PIEZO2: variants seen among roughly 807,000 people sequenced by gnomAD.
PIEZO2 encodes the protein piezo-type mechanosensitive ion channel component 2.
Under a neutral mutation model 337.3 loss-of-function variants are expected in PIEZO2, and 172 were observed. The observed-to-expected ratio is 0.51, with a 90% CI of 0.45 to 0.58. The LOEUF (loss-of-function observed/expected upper bound fraction) is 0.58. Among genes scored for constraint, PIEZO2 ranks in the 20% least tolerant of loss-of-function variants. The pLI is 0.00. For synonymous variants in PIEZO2, 1,251 were observed against 1,228.5 expected (o/e 1.02, Z -0.38); for missense variants, 3,028 against 3,391.3 (o/e 0.89, Z 2.66).
intron 3 of PIEZO2, among the ~76,000 whole-genome samples, chr18:10,917,468 T>G (rs2031070427): frequency 6.6e-6 from 1 of 152,200 alleles, no homozygotes; most frequent in Non-Finnish European, 1.5e-5. Flanking sequence ...TTGGTCATCA[T>G]GTTTCTTCAT....
Position 10,980,492 on chromosome 18 carries a change from T to C in PIEZO2, c.161-832A>G, listed in dbSNP as rs1598777063. ...GGCCACTTGATATGAATGCCACTAATTAACATATCACTGGATGTACTGGTC... is the reference window on the plus strand; with the variant it reads ...GGCCACTTGATATGAATGCCACTAACTAACATATCACTGGATGTACTGGTC... On this transcript the variant is annotated intron_variant, in intron 2 of 55. Coordinates refer to ENST00000674853, the MANE Select transcript of PIEZO2 (RefSeq NM_001378183.1). The surrounding 1 kb of genome is among the most constrained non-coding windows in gnomAD (Gnocchi z 4.8). 6.6e-6 allele frequency among the ~76,000 whole-genome samples: 1 copy of C among 152,346 alleles called. No homozygotes were observed. The highest frequency in any genetic ancestry group is 3.4e-3 in the Middle Eastern group (1 of 294).
chr18:10,848,479 T>G (rs541691387), intron 7 of PIEZO2, among the ~76,000 whole-genome samples: 2 of 152,330 alleles, frequency 1.3e-5, no homozygotes, highest in African/African-American at 4.8e-5. Flanking sequence ...CATGATTTAT[T>G]GAAGTAGATG....
intron 1 of PIEZO2, among the ~76,000 whole-genome samples, chr18:11,082,166 A>G (rs1038657079): frequency 6.6e-6 from 1 of 152,220 alleles, no homozygotes; most frequent in Non-Finnish European, 1.5e-5. Context: ...CTACTTTATC[A>G]GTAAGACCTA....
In PIEZO2 at chr18:10,682,055, A is replaced by G. The variant is rs1014922897; in HGVS notation, c.7686+49T>C. 48 of 1,472,780 alleles carry G rather than the reference A, an allele frequency of 3.3e-5. No homozygotes were observed. The highest frequency in any genetic ancestry group is 4.0e-5 in the Non-Finnish European group (44 of 1,104,612). 91.2% of individuals were successfully genotyped at this position (1,472,780 alleles called of 1,614,324 possible). A position where few individuals can be genotyped will look rare whatever the true frequency, so the allele number is the denominator to read the frequency against. ...CCCTACAGACAGCTATCATAAAGGA[A>G]TGTGGCGTGGGGCAAGGCTCTGGTA... On this transcript the variant is annotated intron_variant, in intron 50 of 55. Coordinates refer to ENST00000674853, the MANE Select transcript of PIEZO2 (RefSeq NM_001378183.1). This position sits in a 1 kb window ranked among gnomAD's most constrained non-coding sequence, Gnocchi z 5.6.
At chr18:10,720,419 G>GTATATATATATA (rs74177567) in intron 36 of PIEZO2, among the ~76,000 whole-genome samples, 1 of 9,270 alleles carries the variant, frequency 1.1e-4, no homozygotes, top group Non-Finnish European at 2.0e-4. Flanking sequence ...GTATGTGTAT[G>GTATATATATATA]TATATATATA....
rs917281174 is a variant in PIEZO2, at chr18:11,032,809, G to A, written c.160+33318C>T. On this transcript the variant is annotated intron_variant, in intron 2 of 55. Coordinates refer to ENST00000674853, the MANE Select transcript of PIEZO2 (RefSeq NM_001378183.1). The surrounding 1 kb of genome is among the most constrained non-coding windows in gnomAD (Gnocchi z 4.9). ...CCTTAAAAGCTTTTGAAGTCAGATC[G>A]ATAAGAACTCTTTTGGACCTCGCCT... 6.6e-6 allele frequency among the ~76,000 whole-genome samples: 1 copy of A among 152,130 alleles called. No individual in the cohort carries two copies.
At chr18:10,890,698 T>A (rs2042730240) in intron 4 of PIEZO2, 1 of 151,748 alleles carries the variant, frequency 6.6e-6, no homozygotes, top group East Asian at 1.9e-4. Flanking sequence ...ACCAGGTTCT[T>A]CCCATGACAC....
chr18:10,936,784 G>A (rs1219434013), intron 3 of PIEZO2, among the ~76,000 whole-genome samples: 1 of 152,200 alleles, frequency 6.6e-6, no homozygotes, highest in Non-Finnish European at 1.5e-5. Context: ...AATTTTGCTG[G>A]GTTCTGTTTT....
intron 7 of PIEZO2, among the ~76,000 whole-genome samples, chr18:10,835,310 A>G (rs2040975144): frequency 6.6e-6 from 1 of 151,130 alleles, no homozygotes; most frequent in South Asian, 2.1e-4. Context: ...GGTGGAAAAC[A>G]CAGGATGAGA....
intron 52 of PIEZO2, among the ~76,000 whole-genome samples, chr18:10,678,998 T>A (rs10163811): frequency 0.033 from 4,966 of 151,130 alleles, 257 homozygotes; most frequent in African/African-American, 0.11. Flanking sequence ...AGTGGCGTGA[T>A]CTCAGCTCAC....
chr18:11,045,194 G>A (rs2037259549), intron 2 of PIEZO2, among the ~76,000 whole-genome samples: 1 of 150,562 alleles, frequency 6.6e-6, no homozygotes, highest in African/African-American at 2.5e-5. Flanking sequence ...CTACCTGGGA[G>A]GCTGAGGCAG....
Position 10,781,386 on chromosome 18 carries a change from C to A in PIEZO2, c.2493-1020G>T, listed in dbSNP as rs1195715034. Among the ~76,000 whole-genome samples, 2 of 152,058 alleles carry A rather than the reference C, an allele frequency of 1.3e-5. No individual in the cohort carries two copies. ...TTGGGAGCCTGAGGCAGAAGAATCA[C>A]TTGAACCCAGGAGGTGGAGGTTGCA... On this transcript the variant is annotated intron_variant, in intron 17 of 55. Transcript: ENST00000674853. The surrounding 1 kb of genome is among the most constrained non-coding windows in gnomAD (Gnocchi z 4.1).
intron 4 of PIEZO2, among the ~76,000 whole-genome samples, chr18:10,902,439 C>A (rs1471404724): frequency 6.6e-6 from 1 of 152,112 alleles, no homozygotes; most frequent in Non-Finnish European, 1.5e-5. Context: ...GGCTTTTAAA[C>A]TGAGATAAGC....
intron 2 of PIEZO2, among the ~76,000 whole-genome samples, chr18:11,044,215 T>C (rs1461488940): frequency 2.0e-5 from 3 of 150,042 alleles, no homozygotes; most frequent in Non-Finnish European, 4.4e-5. Flanking sequence ...ATAAAATATA[T>C]ATTTAAATAA....
intron 4 of PIEZO2, among the ~76,000 whole-genome samples, chr18:10,883,816 C>CTTT (rs71169957): frequency 8.1e-6 from 1 of 122,832 alleles, no homozygotes; most frequent in African/African-American, 3.4e-5. Context: ...AGTCCTACTT[C>CTTT]TTTTTTTTTT....
chr18:10,759,831 C>T lies in PIEZO2; in HGVS notation c.3529G>A (p.Ala1177Thr), dbSNP rs377638188. The change falls in exon 25 of 56, where the codon GCT (alanine) becomes ACT (threonine). Residue 1177 changes from alanine to threonine, a missense_variant. This residue lies in a region of PIEZO2 where 1,925 missense variants were observed against 2,051.9 expected (regional missense o/e 0.94). Transcript: ENST00000674853. The surrounding 1 kb of genome is among the most constrained non-coding windows in gnomAD (Gnocchi z 5.5). ...YAMIHACWLI[A>T]VLYRRRRKAI... ...TTCCTTCTGCGTCTATATAAGACAG[C>T]GATCAGCCAGCAGGCGTGGATCATG... 2.0e-4 allele frequency: 307 copies of T among 1,537,186 alleles called. 2 individuals are homozygous for T. The highest frequency in any genetic ancestry group is 1.5e-4 in the Non-Finnish European group (174 of 1,146,928).
Position 11,078,054 on chromosome 18 carries a change from A to C in PIEZO2, c.65-11832T>G, listed in dbSNP as rs1479180218. ...CACACACCCACACACACCCACACACACACACACACACACCACACACACAAA... is the reference window on the plus strand; with the variant it reads ...CACACACCCACACACACCCACACACCCACACACACACACCACACACACAAA... On this transcript the variant is annotated intron_variant, in intron 1 of 55. Coordinates refer to ENST00000674853, the MANE Select transcript of PIEZO2 (RefSeq NM_001378183.1). The surrounding 1 kb of genome is among the most constrained non-coding windows in gnomAD (Gnocchi z 5.3). 1.3e-5 allele frequency among the ~76,000 whole-genome samples: 2 copies of C among 151,090 alleles called. No homozygotes were observed. The highest frequency in any genetic ancestry group is 6.6e-5 in the Admixed American group (1 of 15,134).
intron 33 of PIEZO2, among the ~76,000 whole-genome samples, chr18:10,737,248 G>A (rs8085318): frequency 0.35 from 51,539 of 147,066 alleles, 10,244 homozygotes; most frequent in African/African-American, 0.55. Context: ...TTCTCCACAT[G>A]TAACACAAGG....
intron 4 of PIEZO2, among the ~76,000 whole-genome samples, chr18:10,898,351 G>A (rs1041232108): frequency 5.3e-5 from 8 of 152,110 alleles, no homozygotes; most frequent in Admixed American, 3.9e-4. Context: ...AACCCAGGAG[G>A]CAGAGCTTGC....
Sources: allele counts gnomAD v4.1 joint callset (sites outside exome capture counted in the v4.1 genomes callset), GRCh38; gene constraint gnomAD v4.1.1; regional missense constraint gnomAD v4.1.1; non-coding constraint Gnocchi (gnomAD v3.1); transcripts MANE v1.5; gene names NCBI Gene and HGNC (gene_info 2026-07-23, HGNC 2026-07-21).